PLP1: variants seen among roughly 807,000 people sequenced by gnomAD.
PLP1 encodes myelin proteolipid protein.
In PLP1, 2 loss-of-function variants were observed where a neutral mutation model predicts 18.5. The observed-to-expected ratio is 0.11, with a 90% CI of 0.04 to 0.34. The LOEUF (loss-of-function observed/expected upper bound fraction) is 0.34. Ranked by LOEUF, PLP1 falls within the 10% of genes least tolerant of loss-of-function variation. PLP1 has a pLI of 1.00. For synonymous variants in PLP1, 86 were observed against 83.2 expected, an observed-to-expected ratio of 1.03 and a Z score of -0.19; for missense variants, 105 against 207.3, an observed-to-expected ratio of 0.51 and a Z score of 3.03.
At chrX:103,781,449 A>G (rs1179427413) in intron 1 of PLP1, 3 of 209,535 alleles carry the variant, frequency 1.4e-5, no homozygotes, top group Non-Finnish European at 2.9e-5. Flanking sequence ...CAACCATGAC[A>G]TGATCTTTTC....
chrX:103,786,357 G>A, intron 2 of PLP1, 108 bp from the exon 3 acceptor site: 1 of 1,051,744 alleles, frequency 9.5e-7, no homozygotes, highest in Non-Finnish European at 1.3e-6. Context: ...AAAATCCCTA[G>A]CCTTGTTAAG....
intron 6 of PLP1, among the ~76,000 whole-genome samples, chrX:103,789,790 A>G (rs989325521): frequency 1.8e-5 from 2 of 111,890 alleles, no homozygotes; most frequent in Non-Finnish European, 3.8e-5. Context: ...CTGGAATTCT[A>G]TATACTATCA....
intron 1 of PLP1, among the ~76,000 whole-genome samples, chrX:103,782,138 G>A (rs915773190): frequency 8.9e-6 from 1 of 112,385 alleles, no homozygotes; most frequent in Non-Finnish European, 1.9e-5. Flanking sequence ...TGGACAGACT[G>A]ACTGAGATTC....
chrX:103,782,861 A>G (rs1466638958), intron 1 of PLP1, among the ~76,000 whole-genome samples: 1 of 112,083 alleles, frequency 8.9e-6, no homozygotes, highest in Non-Finnish European at 1.9e-5. Flanking sequence ...GGAAAGAACA[A>G]GGCTTCTTTG....
Position 103,790,739 on chromosome X carries a change from C to G in PLP1, c.*141C>G. 3 of 544,220 alleles carry G rather than the reference C, an allele frequency of 5.5e-6. No individual in the cohort carries two copies. The South Asian group carries it at 7.3e-5, about 13-fold the overall frequency. The allele number at this position is 544,220 out of a possible 1,213,427, so 44.8% of individuals were successfully genotyped here. ...GATGAGTGTAACAAGAAAGGAGAGT[C>G]TTGCAGTGATTAAGGTCTCTCTTTG... On this transcript the variant is annotated 3_prime_UTR_variant, in exon 7 of 7. Coordinates refer to ENST00000621218, the MANE Select transcript of PLP1 (RefSeq NM_000533.5).
chrX:103,776,929 G>T lies in PLP1; in HGVS notation c.-67G>T, dbSNP rs896133672. Reference sequence around the variant, plus strand: ...GGCTGGAGAGACCAGGATCCTTCCAGCTGAACAAAGTCAGCCACAAAGCAG... The same window carrying T: ...GGCTGGAGAGACCAGGATCCTTCCATCTGAACAAAGTCAGCCACAAAGCAG... On this transcript the variant is annotated 5_prime_UTR_variant, in exon 1 of 7. Coordinates refer to ENST00000621218, the MANE Select transcript of PLP1 (RefSeq NM_000533.5). The T allele has an allele frequency of 1.3e-5, 14 of 1,093,717 alleles. No homozygotes were observed. Among genetic ancestry groups the T allele is most frequent in the Non-Finnish European group, 1.8e-5 (14 of 789,942 alleles). The allele number at this position is 1,093,717 out of a possible 1,213,427, so 90.1% of individuals were successfully genotyped here.
intron 1 of PLP1, among the ~76,000 whole-genome samples, chrX:103,782,333 C>T (rs1378582264): frequency 8.9e-6 from 1 of 111,871 alleles, no homozygotes; most frequent in African/African-American, 3.3e-5. Context: ...CTTTCTTGTC[C>T]CTTGCTTTGA....
chrX:103,776,648 G>T (rs764682858), upstream of PLP1: 1 of 248,370 alleles, frequency 4.0e-6, no homozygotes, highest in South Asian at 1.3e-4. Flanking sequence ...GAAATTCCAG[G>T]CAAGCCTTAG....
rs59217248 is a variant in PLP1 at position 103,787,189 on chromosome X, A to AGG, written c.453+464_453+465dup. Among the ~76,000 whole-genome samples the AGG allele has an allele frequency of 1.9e-3, 208 of 111,726 alleles. 2 individuals are homozygous for AGG. The East Asian group carries it at 0.022, about 12-fold the overall frequency. Reference sequence around the variant, plus strand: ...ATGTTCTGGGATCCTGCACAGTTCGAGGTCCCAGAGGGAATTGGAGTAGAT... The same window carrying AGG: ...ATGTTCTGGGATCCTGCACAGTTCGAGGGGTCCCAGAGGGAATTGGAGTAGAT... On this transcript the variant is annotated intron_variant, in intron 3 of 6. Transcript: ENST00000621218.
At chrX:103,782,521 T>A (rs1019678987) in intron 1 of PLP1, among the ~76,000 whole-genome samples, 1 of 112,081 alleles carries the variant, frequency 8.9e-6, no homozygotes, top group Non-Finnish European at 1.9e-5. Flanking sequence ...GGATGATGAT[T>A]GAGGGATCAG....
intron 1 of PLP1, among the ~76,000 whole-genome samples, chrX:103,784,711 G>A (rs1490436157): frequency 8.9e-6 from 1 of 111,995 alleles, no homozygotes; most frequent in Non-Finnish European, 1.9e-5. Flanking sequence ...TCCCTTCCTG[G>A]AACTCCAAGT....
intron 1 of PLP1, among the ~76,000 whole-genome samples, chrX:103,781,755 T>C (rs1219312190): frequency 8.9e-6 from 1 of 112,542 alleles, no homozygotes; most frequent in Admixed American, 9.4e-5. Flanking sequence ...TTAATCTGAC[T>C]GAGTTGCATT....
intron 1 of PLP1, among the ~76,000 whole-genome samples, chrX:103,785,366 C>T (rs1009741825): frequency 8.9e-6 from 1 of 112,497 alleles, no homozygotes. Context: ...CATGAGCCAC[C>T]GTGCCCGGCC....
rs1829700945 is a variant in PLP1 at position 103,789,392 on chromosome X, T to C, written c.756T>C (p.Val252=). The C allele has an allele frequency of 8.3e-7, 1 of 1,198,411 alleles. No homozygotes were observed. The highest frequency in any genetic ancestry group is 1.1e-6 in the Non-Finnish European group (1 of 884,309). The change falls in exon 6 of 7, where the codon GTT becomes GTC. Residue 252 remains valine, a synonymous_variant. Transcript: ENST00000621218. ...TTGTGGGGGCTGCAGCTACACTGGT[T>C]TCCCTGGTGAGTTGACTTTGAATGA... ...AAFVGAAATL[V]SLLTFMIAAT... is the part of the protein sequence containing the mutation.
At chrX:103,783,861 TC>T (rs1439703871) in intron 1 of PLP1, among the ~76,000 whole-genome samples, 1 of 112,048 alleles carries the variant, frequency 8.9e-6, no homozygotes, top group African/African-American at 3.2e-5. Context: ...AATAGCAGCT[TC>T]CCAGTACATT....
In PLP1 at chrX:103,788,403, A is replaced by G. The variant is rs111521400; in HGVS notation, c.623-34A>G. ...TCCATGTGGCCCCGTAACTCCATAAAGCTTACCCTGCTTGCTTTTTGTGTC... is the reference window on the plus strand; with the variant it reads ...TCCATGTGGCCCCGTAACTCCATAAGGCTTACCCTGCTTGCTTTTTGTGTC... On this transcript the variant is annotated intron_variant, in intron 4 of 6. Transcript: ENST00000621218. 7 of 1,104,160 alleles carry G rather than the reference A, an allele frequency of 6.3e-6. No homozygotes were observed. The African/African-American group carries it at 9.0e-5, about 14-fold the overall frequency. 91.0% of individuals were successfully genotyped at this position (1,104,160 alleles called of 1,213,427 possible). A position where few individuals can be genotyped will look rare whatever the true frequency, so the allele number is the denominator to read the frequency against.
intron 1 of PLP1, chrX:103,781,366 A>C: frequency 3.3e-6 from 1 of 304,030 alleles, no homozygotes; most frequent in Non-Finnish European, 6.5e-6. Flanking sequence ...GCTGGTGAGA[A>C]GGGCTTAAAG....
chrX:103,785,020 T>TTA (rs886609348), intron 1 of PLP1, among the ~76,000 whole-genome samples: 27 of 112,353 alleles, frequency 2.4e-4, no homozygotes, highest in African/African-American at 8.1e-4. Context: ...ATTATTATTA[T>TTA]TTATTAAATA....
At chrX:103,783,475 G>T (rs2074470384) in intron 1 of PLP1, among the ~76,000 whole-genome samples, 1 of 112,199 alleles carries the variant, frequency 8.9e-6, no homozygotes, top group South Asian at 3.7e-4. Flanking sequence ...CATCTTTGGT[G>T]TGACACTCTT....
Sources: allele counts gnomAD v4.1 joint callset (sites outside exome capture counted in the v4.1 genomes callset), GRCh38; gene constraint gnomAD v4.1.1; transcripts MANE v1.5; gene names NCBI Gene and HGNC (gene_info 2026-07-23, HGNC 2026-07-21).